Variants in COMMD1 observed in about 807,000 individuals in gnomAD.
The protein encoded by COMMD1 is copper metabolism domain containing 1.
COMMD1 carries 10 observed loss-of-function variants against 17.2 expected under a neutral mutation model. The observed-to-expected ratio is 0.58, with a 90% CI of 0.36 to 0.99. The LOEUF (loss-of-function observed/expected upper bound fraction) is 0.99, where lower values mean the gene tolerates loss of function less well. COMMD1 is among the 50% of genes least tolerant of loss of function. The pLI, the probability that COMMD1 is intolerant of heterozygous loss-of-function variation, is 0.01. For synonymous variants in COMMD1, 97 were observed against 91.6 expected, an observed-to-expected ratio of 1.06 and a Z score of -0.34; for missense variants, 270 against 231.8, an observed-to-expected ratio of 1.17 and a Z score of -1.07.
At chr2:61,927,458 T>C (rs1291647634) in intron 1 of COMMD1, among the ~76,000 whole-genome samples, 3 of 152,088 alleles carry the variant, frequency 2.0e-5, no homozygotes, top group Non-Finnish European at 4.4e-5. Context: ...AGTGGCGCGA[T>C]GTCAGCTCAC....
intron 1 of COMMD1, among the ~76,000 whole-genome samples, chr2:61,978,937 C>T (rs1026225433): frequency 1.3e-5 from 2 of 152,076 alleles, no homozygotes; most frequent in African/African-American, 4.8e-5. Context: ...TCCATCACCT[C>T]AAGTATTTAT....
At position 62,024,272 on chromosome 2, in the gene COMMD1, A is replaced by G. The variant is rs187341766; in HGVS notation, c.462+23290A>G. Among the ~76,000 whole-genome samples, 7 of 152,232 alleles carry G rather than the reference A, an allele frequency of 4.6e-5. No homozygotes were observed. The East Asian group carries it at 1.4e-3, about 29-fold the overall frequency. Reference sequence around the variant, plus strand: ...CCCTCTGTAACTCATGCTGGAGTGCAGTGGTGCTATCTCAGCTCACTGTAA... The same window carrying G: ...CCCTCTGTAACTCATGCTGGAGTGCGGTGGTGCTATCTCAGCTCACTGTAA... On this transcript the variant is annotated intron_variant, in intron 2 of 2. Transcript: ENST00000311832.
intron 2 of COMMD1, among the ~76,000 whole-genome samples, chr2:62,029,676 T>C (rs1014716233): frequency 1.3e-5 from 2 of 152,236 alleles, no homozygotes; most frequent in African/African-American, 4.8e-5. Flanking sequence ...GTGTTCTGGA[T>C]TTTGCTGATT....
chr2:62,041,694 A>C (rs1468556088), intron 2 of COMMD1, among the ~76,000 whole-genome samples: 2 of 152,078 alleles, frequency 1.3e-5, no homozygotes, highest in African/African-American at 4.8e-5. Context: ...GGTCTCGCTG[A>C]CTTCAAGAAT....
At position 62,043,721 on chromosome 2, in the gene COMMD1, G is replaced by T. The variant is rs574078087; in HGVS notation, c.462+42739G>T. Among the ~76,000 whole-genome samples the T allele has an allele frequency of 3.3e-5, 5 of 152,320 alleles. No individual in the cohort carries two copies. The South Asian group carries it at 1.0e-3, about 32-fold the overall frequency. ...AAAGAAGAATATTAATGATGAATAT[G>T]AAGAAAGTTAGCTGTTCTGAGAGAG... is the stretch of plus-strand genomic sequence containing the variant. On this transcript the variant is annotated intron_variant, in intron 2 of 2. Transcript: ENST00000311832.
intron 2 of COMMD1, among the ~76,000 whole-genome samples, chr2:62,089,608 A>G (rs1369448903): frequency 6.6e-6 from 1 of 152,180 alleles, no homozygotes; most frequent in Non-Finnish European, 1.5e-5. Flanking sequence ...AAGATATGGC[A>G]GGGAAACATG....
intron 2 of COMMD1, among the ~76,000 whole-genome samples, chr2:62,044,023 C>T (rs1670307912): frequency 6.6e-6 from 1 of 152,076 alleles, no homozygotes; most frequent in Non-Finnish European, 1.5e-5. Context: ...ACATTTTCCA[C>T]ACAAAAATCA....
At chr2:61,974,562 A>G (rs1193901298) in intron 1 of COMMD1, among the ~76,000 whole-genome samples, 1 of 150,928 alleles carries the variant, frequency 6.6e-6, no homozygotes, top group Non-Finnish European at 1.5e-5. Context: ...AATCCCAGCT[A>G]CTCAGGAGGC....
chr2:61,978,483 A>G (rs973497757), intron 1 of COMMD1, among the ~76,000 whole-genome samples: 16 of 152,168 alleles, frequency 1.1e-4, no homozygotes, highest in South Asian at 2.1e-4. Flanking sequence ...TTAATTAGCA[A>G]TTTACTAAAA....
intron 1 of COMMD1, among the ~76,000 whole-genome samples, chr2:61,968,030 G>A (rs759232462): frequency 3.9e-5 from 6 of 152,034 alleles, no homozygotes; most frequent in Non-Finnish European, 8.8e-5. Flanking sequence ...GCGTGGTGGC[G>A]TGTGCCTGTA....
At chr2:62,077,622 C>G (rs1558589025) in intron 2 of COMMD1, among the ~76,000 whole-genome samples, 2 of 151,800 alleles carry the variant, frequency 1.3e-5, no homozygotes, top group Non-Finnish European at 2.9e-5. Context: ...GGACAGGGAC[C>G]TAATCTTTGT....
At chr2:62,063,669 G>A (rs76490782) in intron 2 of COMMD1, among the ~76,000 whole-genome samples, 1 of 151,530 alleles carries the variant, frequency 6.6e-6, no homozygotes, top group Non-Finnish European at 1.5e-5. Flanking sequence ...TTTCTATAAT[G>A]TTCTATGCAG....
intron 1 of COMMD1, among the ~76,000 whole-genome samples, chr2:61,970,979 C>A (rs1671634416): frequency 6.6e-6 from 1 of 152,156 alleles, no homozygotes; most frequent in Non-Finnish European, 1.5e-5. Context: ...GCGATCACTG[C>A]TCACTGTGGC....
intron 1 of COMMD1, among the ~76,000 whole-genome samples, chr2:61,979,838 G>T (rs1187443701): frequency 7.2e-6 from 1 of 139,746 alleles, no homozygotes; most frequent in Admixed American, 7.2e-5. Context: ...ATGCTGGTGC[G>T]CTGCACCCAC....
chr2:61,892,458 G>A (rs1370386231), intron 1 of COMMD1, among the ~76,000 whole-genome samples: 5 of 151,828 alleles, frequency 3.3e-5, no homozygotes, highest in Admixed American at 6.6e-5. Context: ...CTTGGGAGGC[G>A]GAGGAGGGTG....
At chr2:62,081,664 G>C (rs1479663355) in intron 2 of COMMD1, among the ~76,000 whole-genome samples, 2 of 151,976 alleles carry the variant, frequency 1.3e-5, no homozygotes, top group Admixed American at 6.6e-5. Context: ...TTTCCTCTTA[G>C]TAATTGCCTG....
intron 2 of COMMD1, among the ~76,000 whole-genome samples, chr2:62,106,278 A>G (rs1362666066): frequency 6.6e-6 from 1 of 152,234 alleles, no homozygotes; most frequent in African/African-American, 2.4e-5. Flanking sequence ...TTATATCAGT[A>G]CCATTTAATC....
At chr2:62,128,611 C>CCCTCCTTCCCTT in intron 2 of COMMD1, among the ~76,000 whole-genome samples, 1 of 152,270 alleles carries the variant, frequency 6.6e-6, no homozygotes, top group Admixed American at 6.5e-5. Context: ...CTCCCTCCCT[C>CCCTCCTTCCCTT]CCTCCTTCCC....
chr2:61,910,444 A>G (rs1250131737), intron 1 of COMMD1, among the ~76,000 whole-genome samples: 1 of 151,994 alleles, frequency 6.6e-6, no homozygotes, highest in African/African-American at 2.4e-5. Context: ...ATGGGGTTTC[A>G]CCACGTTGGC....
Sources: allele counts gnomAD v4.1 joint callset (sites outside exome capture counted in the v4.1 genomes callset), GRCh38; gene constraint gnomAD v4.1.1; transcripts MANE v1.5; gene names NCBI Gene and HGNC (gene_info 2026-07-23, HGNC 2026-07-21).